RASSF5: variants seen among roughly 807,000 people sequenced by gnomAD.
RASSF5 encodes Ras association domain family member 5.
RASSF5 carries 25 observed loss-of-function variants against 40.5 expected under a neutral mutation model. The ratio of observed to expected loss-of-function variants is 0.62; its 90% CI spans 0.45 to 0.86. RASSF5 has a LOEUF of 0.86. Ranked by LOEUF, RASSF5 falls within the 40% of genes least tolerant of loss-of-function variation. The pLI, the probability that RASSF5 is intolerant of heterozygous loss-of-function variation, is 0.00. For missense variants in RASSF5, 521 were observed against 572.8 expected (o/e 0.91, Z 0.92); for synonymous variants, 246 against 252.4 (o/e 0.97, Z 0.24).
chr1:206,570,838 G>A (rs536639271), intron 2 of RASSF5, among the ~76,000 whole-genome samples: 2 of 152,054 alleles, frequency 1.3e-5, no homozygotes, highest in Admixed American at 6.6e-5. Flanking sequence ...ATGGACCCTT[G>A]GGTTGCTTCC....
rs1669050086 is a variant in RASSF5 at position 206,584,938 on chromosome 1, G to T, written c.989-242G>T. 1.2e-5 allele frequency: 7 copies of T among 605,572 alleles called. No homozygotes were observed. Among genetic ancestry groups the T allele is most frequent in the South Asian group, 1.0e-4 (5 of 49,646 alleles). 37.5% of individuals were successfully genotyped at this position (605,572 alleles called of 1,614,324 possible). A position where few individuals can be genotyped will look rare whatever the true frequency, so the allele number is the denominator to read the frequency against. ...CTGATCTGTGCAATGGGAGGAATCT[G>T]CCCCACCATTCCTAATCTTTCAGGA... On this transcript the variant is annotated intron_variant, in intron 4 of 5. Transcript: ENST00000579436. The surrounding 1 kb of genome is among the most constrained non-coding windows in gnomAD (Gnocchi z 4.9).
chr1:206,517,762 C>G (rs1666787472), intron 1 of RASSF5, among the ~76,000 whole-genome samples: 1 of 152,192 alleles, frequency 6.6e-6, no homozygotes, highest in African/African-American at 2.4e-5. Flanking sequence ...CCTTTTGTGA[C>G]AGACTGATCT....
intron 1 of RASSF5, among the ~76,000 whole-genome samples, chr1:206,523,439 A>T (rs1178969665): frequency 8.6e-6 from 1 of 116,778 alleles, no homozygotes; most frequent in East Asian, 2.1e-4. Flanking sequence ...AATATATTTT[A>T]TATATAATAT....
intron 2 of RASSF5, among the ~76,000 whole-genome samples, chr1:206,563,974 A>G (rs1458840154): frequency 6.6e-6 from 1 of 152,200 alleles, no homozygotes; most frequent in Non-Finnish European, 1.5e-5. Flanking sequence ...ATGTAAGGGA[A>G]GACACACAGC....
At chr1:206,546,089 ATTTTTT>A (rs10603701) in intron 2 of RASSF5, among the ~76,000 whole-genome samples, 30 of 48,208 alleles carry the variant, frequency 6.2e-4, no homozygotes, top group South Asian at 9.2e-4. Flanking sequence ...TTCTTTTTCT[ATTTTTT>A]TTTTTTTTTT....
At chr1:206,514,309 G>A (rs782604927) in intron 1 of RASSF5, among the ~76,000 whole-genome samples, 30 of 152,168 alleles carry the variant, frequency 2.0e-4, no homozygotes, top group Non-Finnish European at 1.0e-4. Flanking sequence ...ATTTTCTTTC[G>A]GATTTTCCTA....
chr1:206,515,930 C>A (rs560230961), intron 1 of RASSF5, among the ~76,000 whole-genome samples: 1 of 152,364 alleles, frequency 6.6e-6, no homozygotes, highest in East Asian at 1.9e-4. Context: ...TATTATTCAA[C>A]TGGAACAGAT....
At position 206,552,382 on chromosome 1, in the gene RASSF5, G is replaced by A. The variant is rs904965581; in HGVS notation, c.579+14089G>A. On this transcript the variant is annotated intron_variant, in intron 2 of 5. Coordinates refer to ENST00000579436, the MANE Select transcript of RASSF5 (RefSeq NM_182663.4). This position sits in a 1 kb window ranked among gnomAD's most constrained non-coding sequence, Gnocchi z 4.1. Reference sequence around the variant, plus strand: ...GTATGGATGATATTGGGGAATATGTGTCAGGAAGTGGGGAGGACATAGGAG... The same window carrying A: ...GTATGGATGATATTGGGGAATATGTATCAGGAAGTGGGGAGGACATAGGAG... 6.6e-6 allele frequency among the ~76,000 whole-genome samples: 1 copy of A among 152,212 alleles called. No homozygotes were observed. The highest frequency in any genetic ancestry group is 2.4e-5 in the African/African-American group (1 of 41,454).
intron 1 of RASSF5, among the ~76,000 whole-genome samples, chr1:206,518,048 G>A (rs1280082375): frequency 1.3e-5 from 2 of 152,184 alleles, no homozygotes; most frequent in East Asian, 1.9e-4. Context: ...CACTTCTGTC[G>A]TCTGAAACTT....
In RASSF5 at chr1:206,507,800, C is replaced by G; in HGVS notation, c.198C>G (p.Ala66=). ...AREGRSARRA[A]RGNLEPPPRA... Reference sequence around the variant, plus strand: ...AGGGGCGCAGCGCCCGGAGGGCTGCCCGGGGGAACCTGGAGCCCCCGCCCC... The same window carrying G: ...AGGGGCGCAGCGCCCGGAGGGCTGCGCGGGGGAACCTGGAGCCCCCGCCCC... The change falls in exon 1 of 6, where the codon GCC becomes GCG. Residue 66 remains alanine, a synonymous_variant. Transcript: ENST00000579436. 1.4e-6 allele frequency: 2 copies of G among 1,396,556 alleles called. No homozygotes were observed. Among genetic ancestry groups the G allele is most frequent in the Non-Finnish European group, 1.8e-6 (2 of 1,084,890 alleles). The allele number at this position is 1,396,556 out of a possible 1,614,324, so 86.5% of individuals were successfully genotyped here.
At chr1:206,573,568 C>A (rs1553404599) in intron 2 of RASSF5, among the ~76,000 whole-genome samples, 1 of 152,208 alleles carries the variant, frequency 6.6e-6, no homozygotes, top group African/African-American at 2.4e-5. Flanking sequence ...CCTCAAGAAC[C>A]ACTGAAGCAA....
intron 2 of RASSF5, chr1:206,542,239 T>C (rs1443464168): frequency 1.3e-5 from 2 of 152,204 alleles, no homozygotes; most frequent in African/African-American, 4.8e-5. Flanking sequence ...GGTGGGACTG[T>C]TGGGAGGTGT....
chr1:206,540,735 T>C (rs1553399267), intron 2 of RASSF5, among the ~76,000 whole-genome samples: 1 of 152,226 alleles, frequency 6.6e-6, no homozygotes, highest in East Asian at 1.9e-4. Flanking sequence ...TGGAGCTTTC[T>C]TTCACCTTGA....
intron 1 of RASSF5, among the ~76,000 whole-genome samples, chr1:206,537,696 G>A (rs115289459): frequency 0.02 from 3,102 of 152,260 alleles, 116 homozygotes; most frequent in African/African-American, 0.071. Context: ...TTCAGATTTT[G>A]GAGCATCTTG....
At chr1:206,521,237 G>C (rs782467343) in intron 1 of RASSF5, among the ~76,000 whole-genome samples, 1 of 152,176 alleles carries the variant, frequency 6.6e-6, no homozygotes, top group Non-Finnish European at 1.5e-5. Context: ...TGGCTGCAGC[G>C]ATGCAGCTGT....
intron 3 of RASSF5, 32 bp downstream of exon 3, chr1:206,583,411 T>A: frequency 6.9e-7 from 1 of 1,450,194 alleles, no homozygotes; most frequent in Non-Finnish European, 9.7e-7. Context: ...ACCTGGCCCC[T>A]GCTCCACCAC....
In RASSF5 at chr1:206,535,128, G is replaced by A. The variant is rs552152298; in HGVS notation, c.458-3044G>A. On this transcript the variant is annotated intron_variant, in intron 1 of 5. Coordinates refer to ENST00000579436, the MANE Select transcript of RASSF5 (RefSeq NM_182663.4). This position sits in a 1 kb window ranked among gnomAD's most constrained non-coding sequence, Gnocchi z 5.0. ...CTACTCAGGAGACTGAGGTGAGCCC[G>A]GGAGGTGGAGTTTGCAGAGAGCCAC... Among the ~76,000 whole-genome samples the A allele has an allele frequency of 7.9e-5, 12 of 152,178 alleles. No individual in the cohort carries two copies. Among genetic ancestry groups the A allele is most frequent in the African/African-American group, 1.2e-4 (5 of 41,454 alleles).
intron 1 of RASSF5, among the ~76,000 whole-genome samples, chr1:206,536,128 T>C (rs1190698918): frequency 2.6e-5 from 4 of 152,140 alleles, no homozygotes; most frequent in African/African-American, 9.7e-5. Context: ...CACTTCCCTT[T>C]GTACCCTTCA....
intron 2 of RASSF5, among the ~76,000 whole-genome samples, chr1:206,580,226 C>T (rs1553405987): frequency 2.6e-5 from 4 of 152,218 alleles, no homozygotes; most frequent in African/African-American, 9.6e-5. Flanking sequence ...AGCTTTGCTT[C>T]TCACTGTATT....
Sources: gnomAD v4.1 joint callset for allele counts (sites outside exome capture counted in the v4.1 genomes callset) on GRCh38, gnomAD v4.1.1 for gene constraint, Gnocchi (gnomAD v3.1) non-coding constraint, MANE v1.5 for transcripts, NCBI Gene and HGNC (gene_info 2026-07-23, HGNC 2026-07-21) for gene names.